The following MDGA2 variants were observed in gnomAD, a reference collection of about 807,000 sequenced individuals.
The protein encoded by MDGA2 is MAM domain-containing glycosylphosphatidylinositol anchor protein 2.
A neutral mutation model predicts 117.8 loss-of-function variants in MDGA2; 40 were observed. The ratio of observed to expected loss-of-function variants is 0.34; its 90% CI spans 0.26 to 0.44. The LOEUF (loss-of-function observed/expected upper bound fraction) is 0.44, where lower values mean the gene tolerates loss of function less well. Among genes scored for constraint, MDGA2 ranks in the 20% least tolerant of loss-of-function variants. The pLI is 1.00. For synonymous variants in MDGA2, 452 were observed against 439.0 expected (o/e 1.03, Z -0.37); for missense variants, 1,123 against 1,250.6 (o/e 0.90, Z 1.54).
intron 5 of MDGA2, among the ~76,000 whole-genome samples, chr14:47,131,020 T>A (rs970532185): frequency 6.6e-6 from 1 of 151,840 alleles, no homozygotes; most frequent in African/African-American, 2.4e-5. Flanking sequence ...AGTATAATAA[T>A]ATATATATGT....
At chr14:47,540,546 ATATATATG>A (rs976589308) in intron 1 of MDGA2, among the ~76,000 whole-genome samples, 10 of 66,728 alleles carry the variant, frequency 1.5e-4, no homozygotes, top group Admixed American at 3.5e-4. Flanking sequence ...GTGTGTATAT[ATATATATG>A]TATATATATA....
At chr14:47,031,769 C>T (rs976017079) in intron 8 of MDGA2, among the ~76,000 whole-genome samples, 1 of 152,024 alleles carries the variant, frequency 6.6e-6, no homozygotes, top group Non-Finnish European at 1.5e-5. Flanking sequence ...TCTCATGAGA[C>T]GTATTCATTT....
intron 1 of MDGA2, among the ~76,000 whole-genome samples, chr14:47,530,608 A>C (rs1895078021): frequency 6.6e-6 from 1 of 152,074 alleles, no homozygotes; most frequent in Non-Finnish European, 1.5e-5. Flanking sequence ...TTAATAATAA[A>C]TGCCGGTATA....
intron 1 of MDGA2, among the ~76,000 whole-genome samples, chr14:47,525,941 T>G (rs1461808888): frequency 6.6e-6 from 1 of 152,112 alleles, no homozygotes; most frequent in East Asian, 1.9e-4. Context: ...ATGTCACCAG[T>G]TTTTAAATAT....
chr14:47,312,875 A>C (rs1260900944), intron 1 of MDGA2, among the ~76,000 whole-genome samples: 1 of 148,618 alleles, frequency 6.7e-6, no homozygotes, highest in East Asian at 2.0e-4. Context: ...AATCAAATGG[A>C]TGACTCACAA....
At chr14:47,647,553 C>T (rs942949503) in intron 1 of MDGA2, among the ~76,000 whole-genome samples, 3 of 152,072 alleles carry the variant, frequency 2.0e-5, no homozygotes, top group Non-Finnish European at 2.9e-5. Context: ...AAACCATAAC[C>T]TTTTATAAAC....
chr14:47,199,661 T>A lies in MDGA2; in HGVS notation c.595+18360A>T, dbSNP rs536170269. 1.1e-3 allele frequency among the ~76,000 whole-genome samples: 175 copies of A among 152,264 alleles called. 1 individual carries two copies. Among genetic ancestry groups the A allele is most frequent in the Admixed American group, 2.3e-3 (35 of 15,310 alleles). On this transcript the variant is annotated intron_variant, in intron 3 of 16. Transcript: ENST00000399232. ...TACTCAAAGAAAAACAATCATACATTATGTGGAATAAATATTAATAATAAA... is the reference window on the plus strand; with the variant it reads ...TACTCAAAGAAAAACAATCATACATAATGTGGAATAAATATTAATAATAAA...
chr14:46,876,253 G>T (rs1038760295), intron 12 of MDGA2, among the ~76,000 whole-genome samples: 1 of 151,312 alleles, frequency 6.6e-6, no homozygotes, highest in Non-Finnish European at 1.5e-5. Flanking sequence ...TAAAAAGTTG[G>T]CAGGTAAAAT....
At chr14:46,968,076 G>A (rs1295720170) in intron 8 of MDGA2, among the ~76,000 whole-genome samples, 1 of 152,172 alleles carries the variant, frequency 6.6e-6, no homozygotes, top group Non-Finnish European at 1.5e-5. Flanking sequence ...TAGATATTAT[G>A]TAGAGGAATT....
At chr14:47,008,308 C>T (rs539270484) in intron 8 of MDGA2, among the ~76,000 whole-genome samples, 33 of 151,888 alleles carry the variant, frequency 2.2e-4, no homozygotes, top group South Asian at 1.7e-3. Context: ...GTGGATAAAA[C>T]GATTCCTAAC....
intron 1 of MDGA2, among the ~76,000 whole-genome samples, chr14:47,553,110 C>T (rs1895616362): frequency 6.6e-6 from 1 of 152,174 alleles, no homozygotes. Flanking sequence ...GCCCTAACCT[C>T]TGCTTTGGCA....
rs556185310 is a variant in MDGA2, at chr14:47,666,295, T to C, written c.280+8222A>G. Reference sequence around the variant, plus strand: ...TGTAAATGCACCAATCAGCACTCTGTGTCTAGCTTAAGGTTTGTAAATGCA... The same window carrying C: ...TGTAAATGCACCAATCAGCACTCTGCGTCTAGCTTAAGGTTTGTAAATGCA... On this transcript the variant is annotated intron_variant, in intron 1 of 16. Transcript: ENST00000399232. Among the ~76,000 whole-genome samples, 8 of 152,242 alleles carry C rather than the reference T, an allele frequency of 5.3e-5. 1 individual carries two copies. In the South Asian group the frequency reaches 1.7e-3, roughly 32 times the overall value.
At chr14:47,098,260 T>TG (rs1555352485) in intron 5 of MDGA2, among the ~76,000 whole-genome samples, 1 of 84,146 alleles carries the variant, frequency 1.2e-5, no homozygotes, top group Admixed American at 1.3e-4. Flanking sequence ...CTGCCGTGTT[T>TG]GAAAAAAAAA....
intron 1 of MDGA2, among the ~76,000 whole-genome samples, chr14:47,629,118 G>T (rs1897207503): frequency 6.6e-6 from 1 of 152,080 alleles, no homozygotes; most frequent in Non-Finnish European, 1.5e-5. Context: ...CTCACATCCA[G>T]GGTATCTCTT....
chr14:47,522,353 A>ATGTATATATG (rs1555329326), intron 1 of MDGA2, among the ~76,000 whole-genome samples: 11,799 of 147,138 alleles, frequency 0.08, 1,268 homozygotes, highest in African/African-American at 0.25. Flanking sequence ...ATGTATATAT[A>ATGTATATATG]TGTATATATG....
At chr14:47,146,675 T>G (rs1882957595) in intron 3 of MDGA2, among the ~76,000 whole-genome samples, 1 of 152,178 alleles carries the variant, frequency 6.6e-6, no homozygotes, top group South Asian at 2.1e-4. Context: ...CACAGGCTCA[T>G]TTTTAGAAGT....
intron 8 of MDGA2, among the ~76,000 whole-genome samples, chr14:47,011,641 A>G (rs1268803128): frequency 6.6e-6 from 1 of 152,008 alleles, no homozygotes. Flanking sequence ...TTATTTAATG[A>G]CATGTTGACA....
chr14:47,027,551 T>C (rs1343208868), intron 8 of MDGA2, among the ~76,000 whole-genome samples: 1 of 151,692 alleles, frequency 6.6e-6, no homozygotes, highest in East Asian at 1.9e-4. Context: ...TTTCCTTACA[T>C]GAGCCACATA....
chr14:47,591,958 T>C lies in MDGA2; in HGVS notation c.280+82559A>G, dbSNP rs530946625. On this transcript the variant is annotated intron_variant, in intron 1 of 16. Transcript: ENST00000399232. The stretch of plus-strand genomic sequence containing the variant: ...AATCAGGCAATAGAAAGAAATAAAG[T>C]GTATTCAAATAGAAAGAGAAAGTTG... Among the ~76,000 whole-genome samples the C allele has an allele frequency of 5.9e-4, 89 of 152,014 alleles. 1 individual carries two copies. The highest frequency in any genetic ancestry group is 2.0e-3 in the African/African-American group (84 of 41,518).
Sources: gnomAD v4.1 joint callset for allele counts (sites outside exome capture counted in the v4.1 genomes callset) on GRCh38, gnomAD v4.1.1 for gene constraint, MANE v1.5 for transcripts, NCBI Gene and HGNC (gene_info 2026-07-23, HGNC 2026-07-21) for gene names.